The following PITRM1 variants were observed in gnomAD, a reference collection of about 807,000 sequenced individuals.
PITRM1 encodes presequence protease, mitochondrial.
In PITRM1, 100 loss-of-function variants were observed where a neutral mutation model predicts 129.9. That is an observed-to-expected ratio of 0.77 (90% CI 0.65 to 0.91). The LOEUF (loss-of-function observed/expected upper bound fraction) is 0.91, where lower values mean the gene tolerates loss of function less well. Ranked by LOEUF, PITRM1 falls within the 40% of genes least tolerant of loss-of-function variation. The probability of loss-of-function intolerance (pLI) is 0.00; values close to 1 mark genes in which losing one functional copy is unlikely to be tolerated. For missense variants in PITRM1, 1,471 were observed against 1,318.3 expected (o/e 1.12, Z -1.79); for synonymous variants, 591 against 508.8 (o/e 1.16, Z -2.17).
chr10:3,172,739 C>G lies in PITRM1; in HGVS notation c.34G>C (p.Val12Leu), dbSNP rs1843507067. The G allele has an allele frequency of 1.3e-6, 2 of 1,545,716 alleles. No individual in the cohort carries two copies. The highest frequency in any genetic ancestry group is 1.7e-6 in the Non-Finnish European group (2 of 1,145,476). ...WRCGGRQGLCVLRRLSGGHAH... is the reference protein window; with the variant it reads ...WRCGGRQGLCLLRRLSGGHAH... ...CACCCGCCGCTCAGCCGCCTCAGCA[C>G]ACACAGGCCCTGCCGCCCGCCGCAG... Residue 12 changes from valine (V) to leucine (L), a missense_variant, in exon 1 of 27, where the codon GTG (valine) becomes CTG (leucine). Val to Leu is a conservative substitution (Grantham distance 32). Coordinates refer to ENST00000224949, the MANE Select transcript of PITRM1 (RefSeq NM_014889.4).
At chr10:3,141,503 C>G (rs1318611434) in intron 23 of PITRM1, 1 of 215,976 alleles carries the variant, frequency 4.6e-6, no homozygotes, top group Non-Finnish European at 1.1e-5. Context: ...TTATAAGAAT[C>G]CCTTAAGAAA....
rs1028929630 is a variant in PITRM1 at position 3,143,378 on chromosome 10, C to T, written c.2645+11G>A. On this transcript the variant is annotated intron_variant, in intron 23 of 26. Transcript: ENST00000224949. ...CTCAGGCCTGAGAGGTCCCGACCTACACCCTCCTACCTGGCATGATCTGGG... is the reference window on the plus strand; with the variant it reads ...CTCAGGCCTGAGAGGTCCCGACCTATACCCTCCTACCTGGCATGATCTGGG... The T allele has an allele frequency of 3.9e-6, 6 of 1,556,554 alleles. No individual in the cohort carries two copies. Among genetic ancestry groups the T allele is most frequent in the Middle Eastern group, 1.7e-4 (1 of 5,940 alleles).
rs368187958 is a variant in PITRM1 at position 3,162,574 on chromosome 10, TCC to T, written c.791+1149_791+1150del. 5.8e-4 allele frequency among the ~76,000 whole-genome samples: 88 copies of T among 152,262 alleles called. 2 individuals carry two copies. In the South Asian group the frequency reaches 0.018, roughly 31 times the overall value. ...CAGCATGGACCCCGCTGGTGTGAGA[TCC>T]CCAGTGGAGGCGAGCAGACCTCACA... On this transcript the variant is annotated intron_variant, in intron 7 of 26. Transcript: ENST00000224949.
chr10:3,170,133 C>G lies in PITRM1; in HGVS notation c.130G>C (p.Asp44His), dbSNP rs1309801103. 6.2e-7 allele frequency: 1 copy of G among 1,613,842 alleles called. No individual in the cohort carries two copies. The highest frequency in any genetic ancestry group is 2.2e-5 in the East Asian group (1 of 44,886). ...TTTACGGTGAATCCATGGATCTTGTCTCCTAGTTTATACTGCAGAGCCCTC... is the reference window on the plus strand; with the variant it reads ...TTTACGGTGAATCCATGGATCTTGTGTCCTAGTTTATACTGCAGAGCCCTC... The part of the protein sequence containing the change: ...CERALQYKLG[D>H]KIHGFTVNQV... Residue 44 changes from aspartate (D) to histidine (H), a missense_variant, in exon 2 of 27, where the codon GAC (aspartate) becomes CAC (histidine). Transcript: ENST00000224949.
At chr10:3,142,677 G>A (rs1379290017) in intron 23 of PITRM1, among the ~76,000 whole-genome samples, 2 of 152,234 alleles carry the variant, frequency 1.3e-5, no homozygotes, top group South Asian at 2.1e-4. Context: ...CGCCACTTTG[G>A]GAACAGGCCT....
intron 1 of PITRM1, among the ~76,000 whole-genome samples, chr10:3,170,524 C>A (rs565189425): frequency 5.3e-5 from 8 of 152,306 alleles, no homozygotes; most frequent in African/African-American, 1.9e-4. Flanking sequence ...TTCTTTCCTT[C>A]ACAGAATCCT....
chr10:3,143,654 A>T (rs1347183181), intron 22 of PITRM1, 153 bp from the exon 23 acceptor site: 3 of 715,682 alleles, frequency 4.2e-6, no homozygotes, highest in African/African-American at 1.7e-5. Flanking sequence ...CATCTCCGTG[A>T]CACTCTGCAG....
chr10:3,149,349 C>T lies in PITRM1; in HGVS notation c.1871+272G>A, dbSNP rs545022100. On this transcript the variant is annotated intron_variant, in intron 16 of 26. Transcript: ENST00000224949. Reference sequence around the variant, plus strand: ...AATTACTTACATTTTCGGATTAAACCATCAATCCTTTCCAAAGCTTCATAG... The same window carrying T: ...AATTACTTACATTTTCGGATTAAACTATCAATCCTTTCCAAAGCTTCATAG... 1.6e-4 allele frequency: 49 copies of T among 299,030 alleles called. 1 individual carries two copies. The highest frequency in any genetic ancestry group is 9.4e-4 in the African/African-American group (43 of 45,936). The allele number at this position is 299,030 out of a possible 1,614,324, so 18.5% of individuals were successfully genotyped here. A position where few individuals can be genotyped will look rare whatever the true frequency, so the allele number is the denominator to read the frequency against.
intron 22 of PITRM1, 44 bp downstream of exon 22, chr10:3,144,248 G>T (rs1285449889): frequency 3.6e-6 from 4 of 1,109,842 alleles, no homozygotes; most frequent in East Asian, 2.6e-5. Flanking sequence ...GCCATGCAGG[G>T]AAGCACCCAC....
Position 3,172,747 on chromosome 10 carries a change from C to G in PITRM1, c.26G>C (p.Gly9Ala), listed in dbSNP as rs199766052. Residue 9 changes from glycine to alanine, a missense_variant, in exon 1 of 27, where the codon GGC (glycine) becomes GCC (alanine). Physicochemically the swap from Gly to Ala is moderately conservative, Grantham distance 60. Transcript: ENST00000224949. ...GCTCAGCCGCCTCAGCACACACAGG[C>G]CCTGCCGCCCGCCGCAGCGCCACAT... Reference protein sequence around the residue: MWRCGGRQGLCVLRRLSGG... With the variant: MWRCGGRQALCVLRRLSGG... The G allele has an allele frequency of 2.7e-5, 41 of 1,545,830 alleles. 1 individual carries two copies. Among genetic ancestry groups the G allele is most frequent in the East Asian group, 1.2e-4 (5 of 40,796 alleles).
intron 1 of PITRM1, chr10:3,172,137 A>T (rs1298273092): frequency 6.6e-6 from 3 of 454,876 alleles, no homozygotes; most frequent in Non-Finnish European, 1.3e-5. Flanking sequence ...CATGCCACGG[A>T]CGCCCCGTGC....
In PITRM1 at chr10:3,138,466, T is replaced by C. The variant is rs1839816894; in HGVS notation, c.2918-129A>G. 7.2e-6 allele frequency: 5 copies of C among 698,646 alleles called. No individual in the cohort carries two copies. In the South Asian group the frequency reaches 8.2e-5, roughly 11 times the overall value. 43.3% of individuals were successfully genotyped at this position (698,646 alleles called of 1,614,324 possible). A position where few individuals can be genotyped will look rare whatever the true frequency, so the allele number is the denominator to read the frequency against. On this transcript the variant is annotated intron_variant, in intron 25 of 26. Coordinates refer to ENST00000224949, the MANE Select transcript of PITRM1 (RefSeq NM_014889.4). ...CACGTGCATGTTTCAACCACAGGGA[T>C]GTGTCTAACAACCCAGAGATCACAC...
intron 25 of PITRM1, 78 bp from the exon 26 acceptor site, chr10:3,138,415 G>A (rs937312617): frequency 6.5e-6 from 6 of 919,580 alleles, no homozygotes; most frequent in Non-Finnish European, 1.1e-5. Context: ...TGTCCCGGAG[G>A]GGACACAGGC....
intron 20 of PITRM1, 62 bp from the exon 21 acceptor site, chr10:3,145,778 C>A (rs1285326114): frequency 1.6e-6 from 2 of 1,248,202 alleles, no homozygotes; most frequent in South Asian, 1.3e-5. Context: ...AGTAATTCAT[C>A]ACATTTTGTA....
chr10:3,172,691 G>T, intron 1 of PITRM1, 26 bp downstream of exon 1: 1 of 1,529,706 alleles, frequency 6.5e-7, no homozygotes, highest in Non-Finnish European at 8.8e-7. Context: ...CCAGCGCGCC[G>T]AGCGCCTCCC....
intron 14 of PITRM1, among the ~76,000 whole-genome samples, chr10:3,153,282 T>G (rs1435730495): frequency 6.6e-6 from 1 of 152,248 alleles, no homozygotes; most frequent in Non-Finnish European, 1.5e-5. Context: ...GAATATGAAG[T>G]AATTTAGGAA....
chr10:3,166,970 G>A lies in PITRM1; in HGVS notation c.232C>T (p.His78Tyr), dbSNP rs562249390. 6.6e-5 allele frequency: 107 copies of A among 1,609,486 alleles called. 1 individual carries two copies. In the South Asian group the frequency reaches 1.2e-3, roughly 17 times the overall value. Reference sequence around the variant, plus strand: ...TTATTCGTGTCTTCTCTGGCCAGGTGTAAATACCTGGCTCCTGTGTCATCA... The same window carrying A: ...TTATTCGTGTCTTCTCTGGCCAGGTATAAATACCTGGCTCCTGTGTCATCA... ...THDDTGARYL[H>Y]LAREDTNNLF... Residue 78 changes from histidine to tyrosine, a missense_variant, in exon 3 of 27, where the codon CAC becomes TAC. Transcript: ENST00000224949.
At chr10:3,142,569 C>T (rs540333998) in intron 23 of PITRM1, among the ~76,000 whole-genome samples, 156 of 152,384 alleles carry the variant, frequency 1.0e-3, no homozygotes, top group African/African-American at 3.7e-3. Context: ...CTGGTCTGGC[C>T]AGTTTCCCCA....
chr10:3,160,617 G>A (rs1347249361), intron 7 of PITRM1, among the ~76,000 whole-genome samples: 2 of 152,162 alleles, frequency 1.3e-5, no homozygotes, highest in African/African-American at 4.8e-5. Flanking sequence ...TTCATTCACA[G>A]GGCATGGTGC....
Sources: gnomAD v4.1 joint callset for allele counts (sites outside exome capture counted in the v4.1 genomes callset) on GRCh38, gnomAD v4.1.1 for gene constraint, MANE v1.5 for transcripts, NCBI Gene and HGNC (gene_info 2026-07-23, HGNC 2026-07-21) for gene names.